GALNT13: variants seen among roughly 807,000 people sequenced by gnomAD.
GALNT13 encodes polypeptide N-acetylgalactosaminyltransferase 13.
GALNT13 carries 28 observed loss-of-function variants against 64.2 expected under a neutral mutation model. The ratio of observed to expected loss-of-function variants is 0.44; its 90% CI spans 0.32 to 0.60. The LOEUF is 0.60. Ranked by LOEUF, GALNT13 falls within the 20% of genes least tolerant of loss-of-function variation. The pLI, the probability that GALNT13 is intolerant of heterozygous loss-of-function variation, is 0.05. For missense variants in GALNT13, 577 were observed against 669.8 expected, an observed-to-expected ratio of 0.86 and a Z score of 1.53; for synonymous variants, 214 against 224.6, an observed-to-expected ratio of 0.95 and a Z score of 0.42.
the GALNT13 span, among the ~76,000 whole-genome samples, chr2:153,794,370 A>G: frequency 2.6e-5 from 4 of 151,992 alleles, no homozygotes; most frequent in Non-Finnish European, 5.9e-5. Flanking sequence ...TTTAGAGTTA[A>G]TTTATTATTA....
chr2:153,935,353 A>C (rs960934814), intron 2 of GALNT13, among the ~76,000 whole-genome samples: 1 of 152,204 alleles, frequency 6.6e-6, no homozygotes, highest in Non-Finnish European at 1.5e-5. Context: ...CCCATATACA[A>C]ACATATAGCC....
At chr2:153,085,869 G>T in the GALNT13 span, among the ~76,000 whole-genome samples, 3 of 152,148 alleles carry the variant, frequency 2.0e-5, no homozygotes, top group African/African-American at 7.2e-5. Context: ...ATGTACCTAG[G>T]AAAGCCACAG....
the GALNT13 span, among the ~76,000 whole-genome samples, chr2:153,433,917 G>A: frequency 1.3e-5 from 2 of 151,934 alleles, no homozygotes; most frequent in Non-Finnish European, 2.9e-5. Context: ...CCATGTTGGT[G>A]TGCTGCACCC....
the GALNT13 span, among the ~76,000 whole-genome samples, chr2:153,404,070 A>G: frequency 6.6e-6 from 1 of 152,238 alleles, no homozygotes; most frequent in Admixed American, 6.5e-5. Flanking sequence ...GGAAGTTGTA[A>G]TAAATACTGA....
At chr2:153,751,860 C>T in the GALNT13 span, among the ~76,000 whole-genome samples, 3 of 151,532 alleles carry the variant, frequency 2.0e-5, 1 homozygote, top group African/African-American at 4.8e-5. Flanking sequence ...AGAACTTACT[C>T]CTGCCATTTT....
At chr2:153,372,003 G>T in the GALNT13 span, among the ~76,000 whole-genome samples, 1 of 152,084 alleles carries the variant, frequency 6.6e-6, no homozygotes, top group South Asian at 2.1e-4. Context: ...TTTTCTCTGG[G>T]GCTGCTTACT....
chr2:154,237,544 T>TGTAA (rs1435026611), intron 4 of GALNT13, among the ~76,000 whole-genome samples: 8 of 139,524 alleles, frequency 5.7e-5, no homozygotes, highest in African/African-American at 2.0e-4. Flanking sequence ...ATATGTAATA[T>TGTAA]TATATATAAC....
intron 3 of GALNT13, among the ~76,000 whole-genome samples, chr2:154,093,798 T>G (rs780549425): frequency 6.6e-6 from 1 of 151,672 alleles, no homozygotes; most frequent in Non-Finnish European, 1.5e-5. Flanking sequence ...TATAATCCAG[T>G]GTACAACTAG....
intron 10 of GALNT13, among the ~76,000 whole-genome samples, chr2:154,396,943 A>G (rs571194303): frequency 6.7e-6 from 1 of 149,906 alleles, no homozygotes; most frequent in Admixed American, 6.7e-5. Flanking sequence ...CATACTATAG[A>G]TAATTATATA....
At chr2:153,437,254 T>C in the GALNT13 span, among the ~76,000 whole-genome samples, 2 of 152,174 alleles carry the variant, frequency 1.3e-5, no homozygotes, top group African/African-American at 4.8e-5. Flanking sequence ...AACTATGTGG[T>C]CAATTTTGGA....
intron 3 of GALNT13, among the ~76,000 whole-genome samples, chr2:153,959,832 C>A (rs371837095): frequency 6.6e-6 from 1 of 152,092 alleles, no homozygotes; most frequent in Non-Finnish European, 1.5e-5. Context: ...GGCTGCCCCC[C>A]ACCAATGGAC....
At chr2:154,350,367 C>A (rs1223072595) in intron 9 of GALNT13, among the ~76,000 whole-genome samples, 1 of 152,208 alleles carries the variant, frequency 6.6e-6, no homozygotes, top group Non-Finnish European at 1.5e-5. Context: ...GCTGACTCTT[C>A]TGGCCTTCAT....
At chr2:154,177,727 A>G (rs181992380) in intron 4 of GALNT13, among the ~76,000 whole-genome samples, 122 of 152,318 alleles carry the variant, frequency 8.0e-4, no homozygotes, top group African/African-American at 2.8e-3. Context: ...TAAAAGTAAA[A>G]ATAATGCTAT....
At chr2:153,227,820 C>T in the GALNT13 span, among the ~76,000 whole-genome samples, 2 of 152,148 alleles carry the variant, frequency 1.3e-5, no homozygotes, top group East Asian at 3.8e-4. Context: ...ACATATTATA[C>T]TTTGACAGAA....
At chr2:153,836,942 A>T in the GALNT13 span, among the ~76,000 whole-genome samples, 62 of 152,122 alleles carry the variant, frequency 4.1e-4, no homozygotes, top group African/African-American at 1.4e-3. Context: ...AGTCTTTGCT[A>T]TTGTGAATAG....
intron 4 of GALNT13, among the ~76,000 whole-genome samples, chr2:154,229,238 A>C (rs535908250): frequency 5.3e-4 from 81 of 152,222 alleles, no homozygotes; most frequent in African/African-American, 1.3e-3. Flanking sequence ...ACAGAGCTTC[A>C]ATTGACAATT....
At chr2:153,767,124 G>A in the GALNT13 span, among the ~76,000 whole-genome samples, 2 of 152,024 alleles carry the variant, frequency 1.3e-5, no homozygotes, top group Non-Finnish European at 2.9e-5. Flanking sequence ...AGTCCCTAGT[G>A]TCTATTTTTC....
the GALNT13 span, among the ~76,000 whole-genome samples, chr2:153,113,647 T>A: frequency 6.6e-6 from 1 of 152,030 alleles, no homozygotes; most frequent in Non-Finnish European, 1.5e-5. Flanking sequence ...AACAGCACCA[T>A]CCCTGGGTAA....
At chr2:154,173,487 T>C (rs1466184432) in intron 4 of GALNT13, among the ~76,000 whole-genome samples, 2 of 151,924 alleles carry the variant, frequency 1.3e-5, no homozygotes, top group Non-Finnish European at 2.9e-5. Context: ...CAGGATATTG[T>C]TCTGGAAAGT....
Sources: allele counts gnomAD v4.1 joint callset (sites outside exome capture counted in the v4.1 genomes callset), GRCh38; gene constraint gnomAD v4.1.1; transcripts MANE v1.5; gene names NCBI Gene and HGNC (gene_info 2026-07-23, HGNC 2026-07-21).